REDIC1: variants seen among roughly 807,000 people sequenced by gnomAD.
REDIC1 encodes the protein regulator of DNA class I crossover intermediates 1.
chr12:39,760,344 T>A, the REDIC1 span: 1 of 1,176,134 alleles, frequency 8.5e-7, no homozygotes. Context: ...TTTTTTCTGG[T>A]CAGTCATGCA....
At chr12:39,894,080 T>C in the REDIC1 span, among the ~76,000 whole-genome samples, 143 of 152,334 alleles carry the variant, frequency 9.4e-4, no homozygotes, top group African/African-American at 3.4e-3. Flanking sequence ...TTTTAATAAA[T>C]GTTTTTGCAA....
At chr12:39,722,366 G>A in the REDIC1 span, among the ~76,000 whole-genome samples, 34 of 152,150 alleles carry the variant, frequency 2.2e-4, no homozygotes, top group African/African-American at 8.2e-4. Context: ...CATGGAAGGG[G>A]AATATAATTA....
the REDIC1 span, among the ~76,000 whole-genome samples, chr12:39,855,507 C>A: frequency 6.6e-6 from 1 of 152,190 alleles, no homozygotes; most frequent in Admixed American, 6.5e-5. Context: ...CTTCATTACA[C>A]TGTTTTGCAA....
the REDIC1 span, chr12:39,871,809 C>G: frequency 6.2e-7 from 1 of 1,603,978 alleles, no homozygotes; most frequent in Non-Finnish European, 8.5e-7. Flanking sequence ...TGCTAAACTA[C>G]CAAAGGTAAG....
chr12:39,907,532 A>G, the REDIC1 span: 2 of 152,160 alleles, frequency 1.3e-5, no homozygotes, highest in South Asian at 4.1e-4. Context: ...ATATACTACT[A>G]ATATAGAATC....
At chr12:39,712,522 C>T in the REDIC1 span, among the ~76,000 whole-genome samples, 1 of 139,808 alleles carries the variant, frequency 7.2e-6, no homozygotes, top group Non-Finnish European at 1.6e-5. Flanking sequence ...CGTATATACA[C>T]GACATATACG....
chr12:39,720,352 A>C, the REDIC1 span, among the ~76,000 whole-genome samples: 1 of 152,082 alleles, frequency 6.6e-6, no homozygotes, highest in Admixed American at 6.6e-5. Context: ...TTAATGAATC[A>C]ATAAATAATT....
chr12:39,752,034 T>C, the REDIC1 span, among the ~76,000 whole-genome samples: 1 of 152,164 alleles, frequency 6.6e-6, no homozygotes, highest in Admixed American at 6.5e-5. Context: ...ACATGTATCC[T>C]AGAACTTAAA....
chr12:39,830,408 T>C, the REDIC1 span: 1 of 1,329,174 alleles, frequency 7.5e-7, no homozygotes, highest in Admixed American at 3.2e-5. Context: ...GCTGGTCTCT[T>C]CGATTTCTCC....
chr12:39,702,259 C>G, the REDIC1 span, among the ~76,000 whole-genome samples: 1 of 152,086 alleles, frequency 6.6e-6, no homozygotes, highest in Admixed American at 6.6e-5. Context: ...GATATCACCA[C>G]CGATCCCACA....
At chr12:39,664,534 A>T in the REDIC1 span, among the ~76,000 whole-genome samples, 1 of 152,230 alleles carries the variant, frequency 6.6e-6, no homozygotes, top group Non-Finnish European at 1.5e-5. Context: ...CACAATAAAC[A>T]TACGTGTGCA....
chr12:39,713,030 TATGTATATATAC>T, the REDIC1 span, among the ~76,000 whole-genome samples: 1 of 142,014 alleles, frequency 7.0e-6, no homozygotes, highest in Non-Finnish European at 1.5e-5. Context: ...TATACGTGTA[TATGTATATATAC>T]ATGTGTATAT....
the REDIC1 span, among the ~76,000 whole-genome samples, chr12:39,718,121 C>T: frequency 6.6e-6 from 1 of 152,048 alleles, no homozygotes; most frequent in African/African-American, 2.4e-5. Context: ...TTTTCTATAA[C>T]AGTAATGGCA....
At chr12:39,884,932 C>A in the REDIC1 span, among the ~76,000 whole-genome samples, 1 of 152,202 alleles carries the variant, frequency 6.6e-6, no homozygotes, top group African/African-American at 2.4e-5. Flanking sequence ...GAAAGAACCA[C>A]AAAGACTGTT....
the REDIC1 span, among the ~76,000 whole-genome samples, chr12:39,681,875 C>G: frequency 6.6e-6 from 1 of 151,892 alleles, no homozygotes; most frequent in African/African-American, 2.4e-5. Flanking sequence ...TTTGATAACT[C>G]CAACCTCTGG....
the REDIC1 span, among the ~76,000 whole-genome samples, chr12:39,897,458 GT>G: frequency 5.3e-5 from 8 of 152,164 alleles, no homozygotes; most frequent in African/African-American, 1.4e-4. Flanking sequence ...GGATGCAGAT[GT>G]TTCAATGTTT....
At chr12:39,721,346 A>C in the REDIC1 span, 21 of 1,057,254 alleles carry the variant, frequency 2.0e-5, no homozygotes, top group Admixed American at 1.6e-4. Flanking sequence ...AAGAAATGAG[A>C]AAAAGTAGCT....
chr12:39,639,549 G>T, the REDIC1 span, among the ~76,000 whole-genome samples: 1 of 151,938 alleles, frequency 6.6e-6, no homozygotes, highest in Non-Finnish European at 1.5e-5. Context: ...ATACTTGAAA[G>T]GCAGTTTTGG....
At chr12:39,844,343 A>G in the REDIC1 span, among the ~76,000 whole-genome samples, 5 of 152,076 alleles carry the variant, frequency 3.3e-5, no homozygotes, top group Non-Finnish European at 7.4e-5. Flanking sequence ...AGTTTAATGT[A>G]AGCACTGCAC....
Sources: gnomAD v4.1 joint callset for allele counts (sites outside exome capture counted in the v4.1 genomes callset) on GRCh38, gnomAD v4.1.1 for gene constraint, MANE v1.5 for transcripts, NCBI Gene and HGNC (gene_info 2026-07-23, HGNC 2026-07-21) for gene names.